The following TLK1 variants were observed in gnomAD, a reference collection of about 807,000 sequenced individuals.
TLK1 encodes tousled like kinase 1.
In TLK1, 24 loss-of-function variants were observed where a neutral mutation model predicts 105.3. That is an observed-to-expected ratio of 0.23 (90% CI 0.17 to 0.32). TLK1 has a LOEUF of 0.32. TLK1 is among the 10% of genes least tolerant of loss of function. The pLI, the probability that TLK1 is intolerant of heterozygous loss-of-function variation, is 1.00. For missense variants in TLK1, 558 were observed against 910.5 expected, an observed-to-expected ratio of 0.61 and a Z score of 4.98; for synonymous variants, 321 against 310.4, an observed-to-expected ratio of 1.03 and a Z score of -0.36.
At chr2:171,139,366 G>T (rs752513777) in intron 1 of TLK1, among the ~76,000 whole-genome samples, 1 of 152,164 alleles carries the variant, frequency 6.6e-6, no homozygotes, top group Non-Finnish European at 1.5e-5. Context: ...GGGAGGCAGG[G>T]GCGGGCAGAT....
chr2:171,082,964 A>T (rs1688815734), intron 2 of TLK1, 112 bp from the exon 3 acceptor site: 2 of 737,456 alleles, frequency 2.7e-6, no homozygotes, highest in Admixed American at 5.8e-5. Context: ...TAAATAAATA[A>T]AGTATAATTC....
At chr2:171,026,241 G>A (rs532051678) in intron 12 of TLK1, among the ~76,000 whole-genome samples, 7 of 152,154 alleles carry the variant, frequency 4.6e-5, no homozygotes, top group East Asian at 3.9e-4. Flanking sequence ...AGGAAAATAC[G>A]AAGGTTAGAA....
chr2:171,144,611 T>A (rs1691719232), intron 1 of TLK1, among the ~76,000 whole-genome samples: 1 of 151,934 alleles, frequency 6.6e-6, no homozygotes, highest in Non-Finnish European at 1.5e-5. Context: ...AGAAAATACT[T>A]GAGATGAATA....
At chr2:171,018,673 G>C (rs959548143) in intron 12 of TLK1, among the ~76,000 whole-genome samples, 7 of 152,178 alleles carry the variant, frequency 4.6e-5, no homozygotes, top group African/African-American at 1.7e-4. Flanking sequence ...GGCCAGACGA[G>C]TAGACTGAAA....
intron 14 of TLK1, among the ~76,000 whole-genome samples, chr2:171,008,953 A>G (rs1433186140): frequency 2.0e-5 from 3 of 152,232 alleles, no homozygotes; most frequent in Non-Finnish European, 2.9e-5. Context: ...GCTAATGCTA[A>G]CTGCACTTTT....
intron 1 of TLK1, among the ~76,000 whole-genome samples, chr2:171,186,777 AGGCTG>A (rs1232075386): frequency 6.6e-6 from 1 of 152,158 alleles, no homozygotes; most frequent in Non-Finnish European, 1.5e-5. Context: ...AATACTCTTT[AGGCTG>A]GGCACGGTGG....
At chr2:171,096,685 G>A (rs920700304) in intron 2 of TLK1, among the ~76,000 whole-genome samples, 1 of 151,194 alleles carries the variant, frequency 6.6e-6, no homozygotes, top group African/African-American at 2.4e-5. Context: ...TTGAACTCAG[G>A]AGGCAGAGGA....
At chr2:171,115,496 T>C (rs567793973) in intron 2 of TLK1, among the ~76,000 whole-genome samples, 1 of 152,102 alleles carries the variant, frequency 6.6e-6, no homozygotes, top group Non-Finnish European at 1.5e-5. Flanking sequence ...TTTGAAAGAC[T>C]AGAATACCAT....
At chr2:171,119,880 A>G (rs1235186082) in intron 1 of TLK1, among the ~76,000 whole-genome samples, 1 of 152,212 alleles carries the variant, frequency 6.6e-6, no homozygotes, top group Non-Finnish European at 1.5e-5. Flanking sequence ...AGAAGAAAAC[A>G]TATGGATAAA....
At chr2:171,163,779 G>T (rs1229500225), upstream of TLK1, among the ~76,000 whole-genome samples, 1 of 151,796 alleles carries the variant, frequency 6.6e-6, no homozygotes, top group African/African-American at 2.4e-5. Context: ...AGGCTGGAGT[G>T]CAGTGGTGCA....
chr2:171,067,223 G>A (rs1413286134), intron 3 of TLK1, among the ~76,000 whole-genome samples: 1 of 147,242 alleles, frequency 6.8e-6, no homozygotes, highest in Non-Finnish European at 1.5e-5. Flanking sequence ...GCAGTGACAC[G>A]ATCTCGGCTC....
At chr2:171,003,061 T>A (rs952649553) in intron 18 of TLK1, among the ~76,000 whole-genome samples, 1 of 151,636 alleles carries the variant, frequency 6.6e-6, no homozygotes, top group South Asian at 2.1e-4. Flanking sequence ...GATCATGAGG[T>A]CAGGAGATCA....
At chr2:171,112,908 C>A (rs1457512427) in intron 2 of TLK1, among the ~76,000 whole-genome samples, 4 of 152,052 alleles carry the variant, frequency 2.6e-5, no homozygotes, top group Non-Finnish European at 5.9e-5. Context: ...AATAGGATAA[C>A]CTAATCTTAC....
At chr2:171,125,482 A>C (rs1480019401) in intron 1 of TLK1, among the ~76,000 whole-genome samples, 1 of 152,202 alleles carries the variant, frequency 6.6e-6, no homozygotes, top group African/African-American at 2.4e-5. Flanking sequence ...TAAATAAACA[A>C]ATAAAATAAA....
chr2:171,183,007 A>T (rs1443427970), intron 1 of TLK1, among the ~76,000 whole-genome samples: 1 of 151,596 alleles, frequency 6.6e-6, no homozygotes, highest in East Asian at 1.9e-4. Context: ...ATAGGGTCTC[A>T]GGACAAACAG....
At chr2:171,196,284 G>A (rs1384638219) in intron 1 of TLK1, among the ~76,000 whole-genome samples, 2 of 151,880 alleles carry the variant, frequency 1.3e-5, no homozygotes, top group African/African-American at 4.8e-5. Context: ...GCCCAGCACA[G>A]TTTTGTATTT....
chr2:171,035,036 T>C (rs192054884), intron 11 of TLK1, among the ~76,000 whole-genome samples: 2 of 152,112 alleles, frequency 1.3e-5, no homozygotes, highest in Admixed American at 6.5e-5. Flanking sequence ...CAAGATCTGA[T>C]GGCTTTAAAA....
chr2:171,074,642 A>C (rs551236546), intron 3 of TLK1, among the ~76,000 whole-genome samples: 1 of 150,606 alleles, frequency 6.6e-6, no homozygotes, highest in Non-Finnish European at 1.5e-5. Context: ...AAAAAAAAAA[A>C]AAAGAAAGAA....
chr2:171,079,871 G>C (rs1307207423), intron 3 of TLK1, among the ~76,000 whole-genome samples: 1 of 152,146 alleles, frequency 6.6e-6, no homozygotes. Context: ...AAAAGGGATT[G>C]TGGTGAGTTA....
Sources: gnomAD v4.1 joint callset for allele counts (sites outside exome capture counted in the v4.1 genomes callset) on GRCh38, gnomAD v4.1.1 for gene constraint, MANE v1.5 for transcripts, NCBI Gene and HGNC (gene_info 2026-07-23, HGNC 2026-07-21) for gene names.